The following KLHL24 variants were observed in gnomAD, a reference collection of about 807,000 sequenced individuals.
KLHL24 encodes kelch-like protein 24.
Under a neutral mutation model 53.4 loss-of-function variants are expected in KLHL24, and 29 were observed. The observed-to-expected ratio is 0.54, with a 90% confidence interval of 0.40 to 0.74. KLHL24 has a LOEUF of 0.74. Among genes scored for constraint, KLHL24 ranks in the 30% least tolerant of loss-of-function variants. The pLI is 0.00. For missense variants in KLHL24, 504 were observed against 744.0 expected, an observed-to-expected ratio of 0.68 and a Z score of 3.75; for synonymous variants, 222 against 253.7, an observed-to-expected ratio of 0.88 and a Z score of 1.19.
Position 183,650,374 on chromosome 3 carries a change from A to G in KLHL24, c.18A>G (p.Gly6=), listed in dbSNP as rs745466995. Residue 6 remains glycine (G), a synonymous_variant, in exon 3 of 8, where the codon GGA becomes GGG. Transcript: ENST00000242810. This position sits in a 1 kb window ranked among gnomAD's most constrained non-coding sequence, Gnocchi z 4.5. Reference sequence around the variant, plus strand: ...ATGTAACAATGGTACTAATATTGGGACGCAGACTAAACAGAGAGGATCTTG... The same window carrying G: ...ATGTAACAATGGTACTAATATTGGGGCGCAGACTAAACAGAGAGGATCTTG... MVLIL[G]RRLNREDLGV... The G allele has an allele frequency of 2.5e-6, 4 of 1,613,402 alleles. No homozygotes were observed. In the South Asian group the frequency reaches 4.4e-5, roughly 18 times the overall value.
At chr3:183,647,593 C>T (rs980595509) in intron 2 of KLHL24, among the ~76,000 whole-genome samples, 16 of 151,138 alleles carry the variant, frequency 1.1e-4, no homozygotes, top group Non-Finnish European at 2.2e-4. Context: ...TGCCTGTAGT[C>T]CCAGCTACTT....
At position 183,664,291 on chromosome 3, in the gene KLHL24, A is replaced by T. The variant is rs111779214; in HGVS notation, c.1106-630A>T. 2.5e-4 allele frequency among the ~76,000 whole-genome samples: 38 copies of T among 152,338 alleles called. 1 individual carries two copies. Among genetic ancestry groups the T allele is most frequent in the African/African-American group, 8.4e-4 (35 of 41,570 alleles). ...AGTACTCATAGAATTAAGCATTTCT[A>T]ATTCACCCATGTTTTCTGAAATTCT... On this transcript the variant is annotated intron_variant, in intron 4 of 7. Coordinates refer to ENST00000242810, the MANE Select transcript of KLHL24 (RefSeq NM_017644.3).
chr3:183,637,565 A>G (rs1045390132), intron 1 of KLHL24, among the ~76,000 whole-genome samples: 1 of 152,226 alleles, frequency 6.6e-6, no homozygotes, highest in Admixed American at 6.5e-5. Context: ...GGTTTTTCTA[A>G]TCGCTTGAGT....
rs374271679 is a variant in KLHL24 at position 183,663,552 on chromosome 3, A to G, written c.1015A>G (p.Thr339Ala). ...LPYTECYDPVTGEWKSLAKLP... is the reference protein window; with the variant it reads ...LPYTECYDPVAGEWKSLAKLP... ...ATACACTGAGTGCTACGATCCTGTA[A>G]CAGGAGAATGGAAGTCTTTGGCTAA... The change falls in exon 4 of 8, where the codon ACA (threonine) becomes GCA (alanine). Residue 339 changes from threonine (T) to alanine (A), a missense_variant. Transcript: ENST00000242810. This position sits in a 1 kb window ranked among gnomAD's most constrained non-coding sequence, Gnocchi z 4.9. The G allele has an allele frequency of 6.2e-7, 1 of 1,609,736 alleles. No homozygotes were observed. Among genetic ancestry groups the G allele is most frequent in the African/African-American group, 1.3e-5 (1 of 74,934 alleles).
chr3:183,667,774 C>T (rs1276322311), intron 5 of KLHL24, among the ~76,000 whole-genome samples: 1 of 152,048 alleles, frequency 6.6e-6, no homozygotes, highest in Non-Finnish European at 1.5e-5. Context: ...TGTAGTGCAG[C>T]AGCACAGTCA....
intron 1 of KLHL24, chr3:183,643,122 A>T (rs1716713265): frequency 6.6e-6 from 1 of 152,576 alleles, no homozygotes. Context: ...CCCAACTACT[A>T]GGGAGGCTGA....
intron 3 of KLHL24, 141 bp downstream of exon 3, chr3:183,651,417 G>A: frequency 3.2e-6 from 2 of 623,738 alleles, no homozygotes; most frequent in South Asian, 2.2e-5. Flanking sequence ...TGGATTATAT[G>A]TCACTAGAAT....
At chr3:183,658,686 G>C (rs1028929839) in intron 3 of KLHL24, among the ~76,000 whole-genome samples, 4 of 152,122 alleles carry the variant, frequency 2.6e-5, no homozygotes, top group Non-Finnish European at 5.9e-5. Flanking sequence ...AAATATGAAA[G>C]TGCCTACTTC....
intron 1 of KLHL24, among the ~76,000 whole-genome samples, chr3:183,642,408 A>T (rs1218489633): frequency 2.6e-5 from 4 of 151,878 alleles, no homozygotes; most frequent in African/African-American, 7.3e-5. Flanking sequence ...GTATACATTT[A>T]AAAAAAAGGT....
In KLHL24 at chr3:183,651,158, A is replaced by G. The variant is rs1217227652; in HGVS notation, c.802A>G (p.Thr268Ala). ...PLLHPNYFVQ[T>A]VEVDQLIQNS... ...GTTGCATCCCAACTACTTTGTTCAAACAGTTGAAGTGGACCAATTGATCCA... is the reference window on the plus strand; with the variant it reads ...GTTGCATCCCAACTACTTTGTTCAAGCAGTTGAAGTGGACCAATTGATCCA... The change falls in exon 3 of 8, where the codon ACA becomes GCA. Residue 268 changes from threonine (T) to alanine (A), a missense_variant. Thr to Ala is a moderately conservative substitution (Grantham distance 58). Transcript: ENST00000242810. 2 of 1,614,120 alleles carry G rather than the reference A, an allele frequency of 1.2e-6. No individual in the cohort carries two copies. The highest frequency in any genetic ancestry group is 1.7e-6 in the Non-Finnish European group (2 of 1,179,998).
intron 3 of KLHL24, among the ~76,000 whole-genome samples, chr3:183,661,338 C>G (rs1209715498): frequency 6.6e-6 from 1 of 152,142 alleles, no homozygotes; most frequent in East Asian, 1.9e-4. Flanking sequence ...TTATGCTATA[C>G]TATCATCTTT....
intron 3 of KLHL24, among the ~76,000 whole-genome samples, chr3:183,659,828 C>G (rs1359062383): frequency 6.6e-6 from 1 of 152,160 alleles, no homozygotes; most frequent in Non-Finnish European, 1.5e-5. Context: ...CTGATGTAGC[C>G]AGACAACATT....
rs374243321 is a variant in KLHL24, at chr3:183,644,692, A to C, written c.-62+1150A>C. Among the ~76,000 whole-genome samples, 22 of 152,346 alleles carry C rather than the reference A, an allele frequency of 1.4e-4. 1 individual carries two copies. The highest frequency in any genetic ancestry group is 9.1e-4 in the Admixed American group (14 of 15,308). ...AAGGGGCAGATAATAGCATAAAAAG[A>C]CAGACCCTTAATTGATACAAAGCTT... is the stretch of plus-strand genomic sequence containing the variant. On this transcript the variant is annotated intron_variant, in intron 2 of 7. Coordinates refer to ENST00000242810, the MANE Select transcript of KLHL24 (RefSeq NM_017644.3).
rs189832688 is a variant in KLHL24, at chr3:183,676,978, C to T, written c.1603-2108C>T. On this transcript the variant is annotated intron_variant, in intron 7 of 7. Coordinates refer to ENST00000242810, the MANE Select transcript of KLHL24 (RefSeq NM_017644.3). Reference sequence around the variant, plus strand: ...TCAGTCTTTAAAAATAACATTAAAACTTTATATATTGATAAATTATTGTTC... The same window carrying T: ...TCAGTCTTTAAAAATAACATTAAAATTTTATATATTGATAAATTATTGTTC... 9.7e-4 allele frequency among the ~76,000 whole-genome samples: 144 copies of T among 148,966 alleles called. 1 individual carries two copies. The highest frequency in any genetic ancestry group is 2.3e-3 in the African/African-American group (95 of 40,666).
In KLHL24 at chr3:183,650,490, G is replaced by GATC. The variant is rs755815058; in HGVS notation, c.138_140dup (p.Ser47dup). ...CATGAGTTTTTTGACTTCTCTTCAG[G>GATC]ATCATCCCATGCCGAAAACATACTC... On this transcript the variant is annotated inframe_insertion, in exon 3 of 8. Transcript: ENST00000242810. This position sits in a 1 kb window ranked among gnomAD's most constrained non-coding sequence, Gnocchi z 4.5. 1.9e-6 allele frequency: 3 copies of GATC among 1,614,000 alleles called. No homozygotes were observed. The highest frequency in any genetic ancestry group is 2.5e-6 in the Non-Finnish European group (3 of 1,179,996).
intron 1 of KLHL24, 139 bp downstream of exon 1, chr3:183,635,932 G>A: frequency 6.6e-6 from 1 of 152,506 alleles, no homozygotes. Flanking sequence ...GGGCTACAGG[G>A]CCCCTTTCTG....
chr3:183,637,762 G>A (rs1196138890), intron 1 of KLHL24, among the ~76,000 whole-genome samples: 1 of 152,166 alleles, frequency 6.6e-6, no homozygotes, highest in Non-Finnish European at 1.5e-5. Flanking sequence ...GAGTTCAATC[G>A]ATTCTCCTGC....
intron 3 of KLHL24, among the ~76,000 whole-genome samples, chr3:183,659,069 G>A (rs755823531): frequency 1.3e-5 from 2 of 152,094 alleles, no homozygotes; most frequent in African/African-American, 4.8e-5. Context: ...GTCTCCCAAA[G>A]TGTGCATTTA....
At chr3:183,643,313 T>C (rs1202671709) in intron 1 of KLHL24, 167 bp from the exon 2 acceptor site, 2 of 152,156 alleles carry the variant, frequency 1.3e-5, no homozygotes, top group African/African-American at 4.8e-5. Context: ...AAGTTATTAA[T>C]TTACTTTAAG....
Sources: allele counts gnomAD v4.1 joint callset (sites outside exome capture counted in the v4.1 genomes callset), GRCh38; gene constraint gnomAD v4.1.1; non-coding constraint Gnocchi (gnomAD v3.1); transcripts MANE v1.5; gene names NCBI Gene and HGNC (gene_info 2026-07-23, HGNC 2026-07-21).